The following EYS variants were observed in gnomAD, a reference collection of about 807,000 sequenced individuals.
The protein encoded by EYS is EGF-like photoreceptor maintenance factor.
EYS carries 250 observed loss-of-function variants against 282.1 expected under a neutral mutation model. The observed-to-expected ratio is 0.89, with a 90% CI of 0.80 to 0.98. The LOEUF (loss-of-function observed/expected upper bound fraction) is 0.98, where lower values mean the gene tolerates loss of function less well. Among genes scored for constraint, EYS ranks in the 50% least tolerant of loss-of-function variants. EYS has a pLI of 0.00. For missense variants in EYS, 4,016 were observed against 3,709.0 expected (o/e 1.08, Z -2.15); for synonymous variants, 1,355 against 1,282.9 (o/e 1.06, Z -1.20).
In EYS at chr6:65,495,381, G is replaced by C; in HGVS notation, c.30C>G (p.Ser10Arg). 2 of 1,612,234 alleles carry C rather than the reference G, an allele frequency of 1.2e-6. No homozygotes were observed. The highest frequency in any genetic ancestry group is 1.7e-6 in the Non-Finnish European group (2 of 1,179,958). MTDKSIVIL[S>R]LMVFHSSFIN... is the part of the protein sequence containing the mutation. ...TGAAAGAGCTGTGAAAAACCATCAG[G>C]CTCAGAATGACGATTGATTTGTCAG... Residue 10 changes from serine (S) to arginine (R), a missense_variant, in exon 4 of 43, where the codon AGC becomes AGG. Coordinates refer to ENST00000503581, the MANE Select transcript of EYS (RefSeq NM_001142800.2).
intron 30 of EYS, among the ~76,000 whole-genome samples, chr6:64,244,012 AT>A (rs1439421526): frequency 1.3e-5 from 2 of 152,180 alleles, no homozygotes; most frequent in African/African-American, 2.4e-5. Context: ...GGTCAAAAAA[AT>A]GTCCCCAGTT....
intron 2 of EYS, among the ~76,000 whole-genome samples, chr6:65,536,560 C>T (rs990684161): frequency 1.6e-4 from 24 of 152,008 alleles, no homozygotes; most frequent in Admixed American, 1.6e-3. Flanking sequence ...AGCCTTCAAA[C>T]TTCTGGTTTT....
Position 64,023,363 on chromosome 6 carries a change from G to C in EYS, c.6726-24180C>G, listed in dbSNP as rs552326855. On this transcript the variant is annotated intron_variant, in intron 33 of 42. Transcript: ENST00000503581. ...TTCAATTCTTTTGCATATGCATCTG[G>C]GGTGGAATTGTGGGGGTCATATAGT... is the stretch of plus-strand genomic sequence containing the variant. Among the ~76,000 whole-genome samples, 403 of 152,286 alleles carry C rather than the reference G, an allele frequency of 2.6e-3. 2 individuals are homozygous for C. The highest frequency in any genetic ancestry group is 9.3e-3 in the African/African-American group (388 of 41,552).
intron 33 of EYS, among the ~76,000 whole-genome samples, chr6:64,027,245 A>C (rs1769565128): frequency 6.6e-6 from 1 of 152,218 alleles, no homozygotes; most frequent in African/African-American, 2.4e-5. Context: ...ATTAGAAAAA[A>C]GACCATGAAT....
intron 11 of EYS, among the ~76,000 whole-genome samples, chr6:65,316,481 T>A (rs930743903): frequency 1.7e-4 from 25 of 150,236 alleles, no homozygotes; most frequent in East Asian, 5.8e-4. Context: ...GTCAACTTTT[T>A]AAAAAAATTA....
chr6:65,400,479 C>T (rs1766450697), intron 7 of EYS, among the ~76,000 whole-genome samples: 2 of 151,868 alleles, frequency 1.3e-5, no homozygotes, highest in South Asian at 4.1e-4. Context: ...ACTTTTGATA[C>T]TTTACAACTC....
intron 31 of EYS, among the ~76,000 whole-genome samples, chr6:64,159,893 C>A (rs375393011): frequency 7.2e-5 from 11 of 152,292 alleles, no homozygotes; most frequent in African/African-American, 1.7e-4. Flanking sequence ...ATGCTTGTTA[C>A]AGGTTTCCTT....
rs773781915 is a variant in EYS, at chr6:65,335,037, T to A, written c.1709A>T (p.Asp570Val). The A allele has an allele frequency of 3.1e-6, 5 of 1,611,582 alleles. No individual in the cohort carries two copies. The highest frequency in any genetic ancestry group is 4.2e-6 in the Non-Finnish European group (5 of 1,178,428). ...GNMYLENTTD[D>V]QENECQHEAV... The stretch of plus-strand genomic sequence containing the variant: ...TTCATGTTGACACTCATTTTCTTGA[T>A]CATCAGTTGTATTTTCCAGATACAT... The change falls in exon 11 of 43, where the codon GAT becomes GTT. Residue 570 changes from aspartate to valine, a missense_variant. Physicochemically the swap from Asp to Val is radical, Grantham distance 152. Transcript: ENST00000503581.
rs1764743327 is a variant in EYS, at chr6:64,816,460, G to GA, written c.3244-2884_3244-2883insT. On this transcript the variant is annotated intron_variant, in intron 21 of 42. Transcript: ENST00000503581. The stretch of plus-strand genomic sequence containing the variant: ...TTGGTAGTAAAAAGAGTCTGGAAAA[G>GA]GAAATGCAACTTCTCTTACCCCCAC... Among the ~76,000 whole-genome samples, 3 of 151,978 alleles carry GA rather than the reference G, an allele frequency of 2.0e-5. No homozygotes were observed. In the South Asian group the frequency reaches 6.2e-4, roughly 31 times the overall value.
chr6:63,732,273 A>G (rs1476019190), intron 41 of EYS, among the ~76,000 whole-genome samples: 1 of 152,114 alleles, frequency 6.6e-6, no homozygotes, highest in Admixed American at 6.6e-5. Flanking sequence ...GTATGTTTTG[A>G]GAAGATGCTC....
At chr6:64,127,539 C>T (rs1000006553) in intron 31 of EYS, among the ~76,000 whole-genome samples, 2 of 152,016 alleles carry the variant, frequency 1.3e-5, no homozygotes, top group African/African-American at 4.8e-5. Flanking sequence ...ATGATTTCTC[C>T]ATGTTTCCAT....
chr6:65,552,156 C>A (rs1004458667), intron 2 of EYS, among the ~76,000 whole-genome samples: 3 of 152,132 alleles, frequency 2.0e-5, no homozygotes, highest in Non-Finnish European at 2.9e-5. Context: ...CAGGGAGAAA[C>A]CTCAAGGCAA....
At chr6:64,732,299 T>TA (rs1244673396) in intron 22 of EYS, among the ~76,000 whole-genome samples, 11 of 150,390 alleles carry the variant, frequency 7.3e-5, no homozygotes, top group Non-Finnish European at 3.0e-5. Context: ...TCCCAGAACT[T>TA]AAAGTATTAA....
chr6:64,675,721 C>T (rs112545929), intron 22 of EYS, among the ~76,000 whole-genome samples: 1 of 151,958 alleles, frequency 6.6e-6, no homozygotes, highest in African/African-American at 2.4e-5. Context: ...AGCCACCACA[C>T]CTGGCCTGTG....
chr6:63,917,033 T>G (rs950703759), intron 35 of EYS, among the ~76,000 whole-genome samples: 1 of 152,222 alleles, frequency 6.6e-6, no homozygotes. Flanking sequence ...AAGGAAAGAA[T>G]TTAGTTATGT....
intron 26 of EYS, among the ~76,000 whole-genome samples, chr6:64,548,478 C>G (rs1179890059): frequency 1.3e-5 from 2 of 152,136 alleles, no homozygotes; most frequent in Non-Finnish European, 1.5e-5. Flanking sequence ...CACATATACA[C>G]CATGGAATGC....
intron 31 of EYS, among the ~76,000 whole-genome samples, chr6:64,204,476 A>G (rs1278517656): frequency 6.6e-6 from 1 of 152,170 alleles, no homozygotes; most frequent in African/African-American, 2.4e-5. Context: ...CAAGGTGTCC[A>G]TCATTAGGAA....
At chr6:64,327,509 G>A (rs1770471782) in intron 29 of EYS, among the ~76,000 whole-genome samples, 1 of 152,148 alleles carries the variant, frequency 6.6e-6, no homozygotes, top group Non-Finnish European at 1.5e-5. Flanking sequence ...ACAATAGACA[G>A]GGAAATAATG....
intron 5 of EYS, among the ~76,000 whole-genome samples, chr6:65,406,470 G>T (rs1766744692): frequency 6.6e-6 from 1 of 151,580 alleles, no homozygotes; most frequent in Non-Finnish European, 1.5e-5. Context: ...CATATATTTT[G>T]GTATCATATA....
Sources: gnomAD v4.1 joint callset for allele counts (sites outside exome capture counted in the v4.1 genomes callset) on GRCh38, gnomAD v4.1.1 for gene constraint, MANE v1.5 for transcripts, NCBI Gene and HGNC (gene_info 2026-07-23, HGNC 2026-07-21) for gene names.